MCU: variants seen among roughly 807,000 people sequenced by gnomAD.
The protein encoded by MCU is calcium uniporter protein, mitochondrial.
Under a neutral mutation model 45.2 loss-of-function variants are expected in MCU, and 12 were observed. That is an observed-to-expected ratio of 0.27 (90% CI 0.17 to 0.43). The LOEUF (loss-of-function observed/expected upper bound fraction) is 0.43. Ranked by LOEUF, MCU falls within the 20% of genes least tolerant of loss-of-function variation. The probability of loss-of-function intolerance (pLI) is 1.00; values close to 1 mark genes in which losing one functional copy is unlikely to be tolerated. For missense variants in MCU, 324 were observed against 436.7 expected (o/e 0.74, Z 2.30); for synonymous variants, 160 against 165.1 (o/e 0.97, Z 0.24).
At chr10:72,843,370 A>C (rs761287019) in intron 2 of MCU, among the ~76,000 whole-genome samples, 27 of 152,284 alleles carry the variant, frequency 1.8e-4, no homozygotes, top group Non-Finnish European at 3.7e-4. Flanking sequence ...CCATAATTTT[A>C]CCTTTTCCAG....
chr10:72,878,108 T>C lies in MCU; in HGVS notation c.862-6158T>C, dbSNP rs558723552. ...CCTTAAATTATTTCTACAAATAATT[T>C]TGCTTTTTTTTTTTTTTTTTTTTTT... is the stretch of plus-strand genomic sequence containing the variant. On this transcript the variant is annotated intron_variant, in intron 6 of 7. Transcript: ENST00000373053. Among the ~76,000 whole-genome samples the C allele has an allele frequency of 1.1e-4, 16 of 149,136 alleles. No individual in the cohort carries two copies. The East Asian group carries it at 2.9e-3, about 27-fold the overall frequency.
At chr10:72,786,527 G>A (rs113203370) in intron 1 of MCU, among the ~76,000 whole-genome samples, 8,006 of 151,984 alleles carry the variant, frequency 0.053, 711 homozygotes, top group African/African-American at 0.18. Context: ...GGCAGATCAC[G>A]TGGAGGTCAG....
intron 1 of MCU, among the ~76,000 whole-genome samples, chr10:72,793,068 A>G (rs961760091): frequency 3.9e-5 from 6 of 152,056 alleles, no homozygotes; most frequent in Admixed American, 3.3e-4. Context: ...TAGTAGACAC[A>G]GGGTTTCACC....
chr10:72,873,565 A>C (rs1393612452), intron 6 of MCU, among the ~76,000 whole-genome samples: 1 of 151,970 alleles, frequency 6.6e-6, no homozygotes, highest in African/African-American at 2.4e-5. Flanking sequence ...TTGTCTCCTC[A>C]CTCTGCTGAC....
At position 72,710,543 on chromosome 10, in the gene MCU, G is replaced by GTT. The variant is rs555887994; in HGVS notation, c.150+18268_150+18269dup. Among the ~76,000 whole-genome samples, 831 of 84,292 alleles carry GTT rather than the reference G, an allele frequency of 9.9e-3. 52 individuals are homozygous for GTT. Among genetic ancestry groups the GTT allele is most frequent in the East Asian group, 0.021 (49 of 2,328 alleles). 55.3% of individuals were successfully genotyped at this position (84,292 alleles called of 152,430 possible). A position where few individuals can be genotyped will look rare whatever the true frequency, so the allele number is the denominator to read the frequency against. ...TGGAAAGGCCATTCCATCACCTAAG[G>GTT]TTTTTTTTTTTTTTTTTTTTTTTTT... is the stretch of plus-strand genomic sequence containing the variant. On this transcript the variant is annotated intron_variant, in intron 1 of 7. Coordinates refer to ENST00000373053, the MANE Select transcript of MCU (RefSeq NM_138357.3).
chr10:72,874,237 G>C (rs1845588069), intron 6 of MCU, among the ~76,000 whole-genome samples: 1 of 152,148 alleles, frequency 6.6e-6, no homozygotes, highest in Non-Finnish European at 1.5e-5. Flanking sequence ...TTGAATACCA[G>C]TATCTAGAAC....
chr10:72,799,826 T>G (rs560672348), intron 1 of MCU, among the ~76,000 whole-genome samples: 1 of 152,342 alleles, frequency 6.6e-6, no homozygotes, highest in Admixed American at 6.5e-5. Flanking sequence ...GAATTACCTA[T>G]TCATATTTTA....
chr10:72,698,825 A>G (rs1842720908), intron 1 of MCU, among the ~76,000 whole-genome samples: 1 of 151,402 alleles, frequency 6.6e-6, no homozygotes, highest in Admixed American at 6.6e-5. Context: ...TTTTTTTGAG[A>G]CGAGGTCTTA....
chr10:72,879,085 G>A (rs770572478), intron 6 of MCU, among the ~76,000 whole-genome samples: 8 of 151,920 alleles, frequency 5.3e-5, no homozygotes, highest in African/African-American at 7.3e-5. Flanking sequence ...CCAACATGGC[G>A]AAACCCCTTC....
At chr10:72,800,225 A>T (rs1342982199) in intron 1 of MCU, among the ~76,000 whole-genome samples, 1 of 152,212 alleles carries the variant, frequency 6.6e-6, no homozygotes, top group Non-Finnish European at 1.5e-5. Context: ...AATTGTCCAC[A>T]TGGTGGCCGA....
chr10:72,778,897 A>G (rs1843943052), intron 1 of MCU, among the ~76,000 whole-genome samples: 1 of 152,218 alleles, frequency 6.6e-6, no homozygotes, highest in South Asian at 2.1e-4. Context: ...CTGCAAAGCA[A>G]CAGTAATGAA....
chr10:72,869,080 G>A (rs1353017216), intron 5 of MCU, among the ~76,000 whole-genome samples: 1 of 152,166 alleles, frequency 6.6e-6, no homozygotes, highest in Non-Finnish European at 1.5e-5. Context: ...AGAGCTTTCA[G>A]TTCTAAATGC....
intron 4 of MCU, among the ~76,000 whole-genome samples, chr10:72,867,687 A>G (rs892314096): frequency 1.3e-5 from 2 of 152,028 alleles, no homozygotes; most frequent in Non-Finnish European, 2.9e-5. Context: ...CCCCGTCTCT[A>G]CTAAAATATA....
At chr10:72,782,035 C>G (rs1844002304) in intron 1 of MCU, among the ~76,000 whole-genome samples, 1 of 152,192 alleles carries the variant, frequency 6.6e-6, no homozygotes, top group South Asian at 2.1e-4. Flanking sequence ...TCCCCACAGT[C>G]CCCAGATCAT....
chr10:72,856,931 T>C (rs1372877358), intron 2 of MCU, among the ~76,000 whole-genome samples: 5 of 91,552 alleles, frequency 5.5e-5, no homozygotes, highest in African/African-American at 2.2e-4. Context: ...TAGAGCAAGA[T>C]GTCTCAAAAA....
intron 1 of MCU, among the ~76,000 whole-genome samples, chr10:72,731,364 C>T (rs77379172): frequency 6.6e-6 from 1 of 152,110 alleles, no homozygotes; most frequent in Non-Finnish European, 1.5e-5. Flanking sequence ...ACTGAGTGCC[C>T]AAGGAATGGA....
chr10:72,740,147 T>C (rs1843306503), intron 1 of MCU, among the ~76,000 whole-genome samples: 1 of 151,834 alleles, frequency 6.6e-6, no homozygotes, highest in South Asian at 2.1e-4. Context: ...TTTGGGAGGC[T>C]GCGGTGGGCG....
chr10:72,725,368 C>T (rs763212540), intron 1 of MCU, among the ~76,000 whole-genome samples: 3 of 151,936 alleles, frequency 2.0e-5, no homozygotes, highest in African/African-American at 4.8e-5. Flanking sequence ...CCTTGTGATC[C>T]GCTTGCCTCA....
At chr10:72,719,363 T>C (rs912075133) in intron 1 of MCU, among the ~76,000 whole-genome samples, 4 of 152,240 alleles carry the variant, frequency 2.6e-5, no homozygotes, top group African/African-American at 7.2e-5. Flanking sequence ...TCTGTTGTTA[T>C]TGTAACCAGG....
Sources: allele counts gnomAD v4.1 joint callset (sites outside exome capture counted in the v4.1 genomes callset), GRCh38; gene constraint gnomAD v4.1.1; transcripts MANE v1.5; gene names NCBI Gene and HGNC (gene_info 2026-07-23, HGNC 2026-07-21).